The following UBN2 variants were observed in gnomAD, a reference collection of about 807,000 sequenced individuals.
UBN2 encodes ubinuclein-2.
In UBN2, 35 loss-of-function variants were observed where a neutral mutation model predicts 120.2. The observed-to-expected ratio is 0.29, with a 90% CI of 0.22 to 0.39. The LOEUF (loss-of-function observed/expected upper bound fraction) is 0.39. Ranked by LOEUF, UBN2 falls within the 10% of genes least tolerant of loss-of-function variation. The pLI is 1.00. For synonymous variants in UBN2, 661 were observed against 648.7 expected, an observed-to-expected ratio of 1.02 and a Z score of -0.29; for missense variants, 1,693 against 1,663.2, an observed-to-expected ratio of 1.02 and a Z score of -0.31.
chr7:139,317,984 ACTTTCCT>A, the UBN2 span, among the ~76,000 whole-genome samples: 2 of 151,804 alleles, frequency 1.3e-5, no homozygotes, highest in African/African-American at 4.8e-5. Flanking sequence ...GTTTTTATCC[ACTTTCCT>A]GAGTTTGTCA....
At chr7:139,272,009 T>A (rs1177584281) in intron 8 of UBN2, among the ~76,000 whole-genome samples, 1 of 152,220 alleles carries the variant, frequency 6.6e-6, no homozygotes, top group Non-Finnish European at 1.5e-5. Context: ...ATACAATGAT[T>A]TTGTTTTCCG....
chr7:139,297,338 A>G (rs1463629015), intron 17 of UBN2, among the ~76,000 whole-genome samples: 2 of 152,078 alleles, frequency 1.3e-5, no homozygotes, highest in Non-Finnish European at 1.5e-5. Context: ...ACAAATAATC[A>G]GGAATTATGA....
chr7:139,236,702 T>C (rs975078997), intron 1 of UBN2, among the ~76,000 whole-genome samples: 1 of 152,156 alleles, frequency 6.6e-6, no homozygotes, highest in African/African-American at 2.4e-5. Flanking sequence ...ATGAGTCCAT[T>C]ATAACTGTAA....
At chr7:139,315,566 T>G in the UBN2 span, among the ~76,000 whole-genome samples, 1 of 152,206 alleles carries the variant, frequency 6.6e-6, no homozygotes, top group Admixed American at 6.5e-5. Context: ...CTGTTTCCAC[T>G]TTTTAGCAAT....
Position 139,261,689 on chromosome 7 carries a change from T to C in UBN2, c.1343T>C (p.Leu448Pro), listed in dbSNP as rs1255791534. 1 of 1,614,142 alleles carries C rather than the reference T, an allele frequency of 6.2e-7. No homozygotes were observed. Among genetic ancestry groups the C allele is most frequent in the Non-Finnish European group, 8.5e-7 (1 of 1,180,014 alleles). Residue 448 changes from leucine to proline, a missense_variant, in exon 6 of 18, where the codon CTC becomes CCC. This residue lies in a region of UBN2 where 663 missense variants were observed against 591.2 expected (regional missense o/e 1.12). Transcript: ENST00000473989. ...SQVMPKVVPT[L>P]PEGLPVLLEK... ...GTTATGCCCAAAGTGGTACCTACAC[T>C]CCCAGAGGGTCTACCTGTACTTCTT...
At chr7:139,240,316 A>G (rs945777341) in intron 2 of UBN2, among the ~76,000 whole-genome samples, 2 of 151,042 alleles carry the variant, frequency 1.3e-5, no homozygotes, top group African/African-American at 4.9e-5. Flanking sequence ...TGGTAGAGAC[A>G]GGGTCTTGTT....
At chr7:139,266,240 AAAAAAG>A in intron 6 of UBN2, 87 bp from the exon 7 acceptor site, 5 of 830,546 alleles carry the variant, frequency 6.0e-6, no homozygotes, top group African/African-American at 5.3e-5. Flanking sequence ...AAAAAAAAAA[AAAAAAG>A]AAAAAAACCT....
chr7:139,305,913 T>A lies in UBN2; in HGVS notation c.*8077T>A, dbSNP rs949256359. ...TAGTCTGCCTTGCTTATTTTCATAC[T>A]CCCCCTGAAATAAGCCTACTTTTGC... is the stretch of plus-strand genomic sequence containing the variant. On this transcript the variant is annotated 3_prime_UTR_variant, in exon 18 of 18. Coordinates refer to ENST00000473989, the MANE Select transcript of UBN2 (RefSeq NM_173569.4). The A allele has an allele frequency of 1.3e-5, 2 of 152,264 alleles. No homozygotes were observed. The highest frequency in any genetic ancestry group is 1.3e-4 in the Admixed American group (2 of 15,284). 9.4% of individuals were successfully genotyped at this position (152,264 alleles called of 1,614,324 possible).
In UBN2 at chr7:139,237,098, G is replaced by T; in HGVS notation, c.561+1G>T. On this transcript the variant is annotated splice_donor_variant, in intron 2 of 17. Coordinates refer to ENST00000473989, the MANE Select transcript of UBN2 (RefSeq NM_173569.4). LOFTEE classifies it high-confidence loss of function. ...GGCTAAGAAGTTTGAAATGAAATAT[G>T]TGAGTATAATAAACTGATCACTTAG... 1 of 1,601,680 alleles carries T rather than the reference G, an allele frequency of 6.2e-7. No individual in the cohort carries two copies.
chr7:139,298,631 C>T lies in UBN2; in HGVS notation c.*795C>T, dbSNP rs1338086342. ...TCTTTTCTTCAGGTGATTTGTGCAT[C>T]TAGTATTGACTGGTTAATTCTTATT... On this transcript the variant is annotated 3_prime_UTR_variant, in exon 18 of 18. Coordinates refer to ENST00000473989, the MANE Select transcript of UBN2 (RefSeq NM_173569.4). The T allele has an allele frequency of 2.0e-5, 3 of 151,774 alleles. No homozygotes were observed. Among genetic ancestry groups the T allele is most frequent in the African/African-American group, 7.3e-5 (3 of 41,300 alleles). 9.4% of individuals were successfully genotyped at this position (151,774 alleles called of 1,614,324 possible).
chr7:139,261,661 C>G lies in UBN2; in HGVS notation c.1315C>G (p.Gln439Glu). Residue 439 changes from glutamine to glutamate, a missense_variant, in exon 6 of 18, where the codon CAG (glutamine) becomes GAG (glutamate). Physicochemically the swap from Gln to Glu is conservative, Grantham distance 29. Transcript: ENST00000473989. Reference sequence around the variant, plus strand: ...CACCACCCAGCCAACCTACACTTCTCAGGTTATGCCCAAAGTGGTACCTAC... The same window carrying G: ...CACCACCCAGCCAACCTACACTTCTGAGGTTATGCCCAAAGTGGTACCTAC... ...GTTTQPTYTS[Q>E]VMPKVVPTLP... 4 of 1,614,216 alleles carry G rather than the reference C, an allele frequency of 2.5e-6. No individual in the cohort carries two copies. The highest frequency in any genetic ancestry group is 3.4e-6 in the Non-Finnish European group (4 of 1,180,042).
chr7:139,287,746 T>C lies in UBN2; in HGVS notation c.3669+3172T>C, dbSNP rs74601563. 7.5e-3 allele frequency among the ~76,000 whole-genome samples: 1,140 copies of C among 151,018 alleles called. 19 individuals are homozygous for C. Among genetic ancestry groups the C allele is most frequent in the African/African-American group, 0.026 (1,096 of 41,430 alleles). Reference sequence around the variant, plus strand: ...ATTGAATAAGGTCATTTCTACCCTTTGGCGAAAGTAAGGTTCTTTTTGTTT... The same window carrying C: ...ATTGAATAAGGTCATTTCTACCCTTCGGCGAAAGTAAGGTTCTTTTTGTTT... On this transcript the variant is annotated intron_variant, in intron 15 of 17. Transcript: ENST00000473989.
intron 1 of UBN2, among the ~76,000 whole-genome samples, chr7:139,234,470 A>G (rs1162069955): frequency 1.3e-5 from 2 of 152,066 alleles, no homozygotes; most frequent in Non-Finnish European, 2.9e-5. Flanking sequence ...TAAATAATTT[A>G]TGTTGGGAAA....
intron 15 of UBN2, among the ~76,000 whole-genome samples, chr7:139,291,039 A>T (rs576871492): frequency 6.6e-6 from 1 of 152,230 alleles, no homozygotes; most frequent in East Asian, 1.9e-4. Flanking sequence ...TATTTTTAAA[A>T]TAGTCAACAA....
chr7:139,245,605 C>G (rs1380872299), intron 2 of UBN2, among the ~76,000 whole-genome samples: 4 of 152,082 alleles, frequency 2.6e-5, no homozygotes, highest in Non-Finnish European at 5.9e-5. Context: ...CTGATTGTGC[C>G]CATTACAACA....
At chr7:139,244,339 G>A (rs1182835669) in intron 2 of UBN2, among the ~76,000 whole-genome samples, 2 of 152,136 alleles carry the variant, frequency 1.3e-5, no homozygotes, top group Non-Finnish European at 2.9e-5. Flanking sequence ...AAATCCATGT[G>A]CAATTACGTT....
At chr7:139,243,024 T>A (rs991415186) in intron 2 of UBN2, among the ~76,000 whole-genome samples, 2 of 152,258 alleles carry the variant, frequency 1.3e-5, no homozygotes, top group African/African-American at 4.8e-5. Context: ...TACTAGAGGT[T>A]ATCAATGAAT....
chr7:139,319,534 T>C, the UBN2 span, among the ~76,000 whole-genome samples: 1 of 152,140 alleles, frequency 6.6e-6, no homozygotes, highest in Admixed American at 6.6e-5. Context: ...TGCAAGAGGA[T>C]TGCTTGAGCC....
Position 139,298,186 on chromosome 7 carries a change from A to G in UBN2, c.*350A>G, listed in dbSNP as rs1798163105. 4.1e-6 allele frequency: 1 copy of G among 244,810 alleles called. No homozygotes were observed. The highest frequency in any genetic ancestry group is 7.9e-6 in the Non-Finnish European group (1 of 126,462). 15.2% of individuals were successfully genotyped at this position (244,810 alleles called of 1,614,324 possible). ...AGTGAAGAGAATTTGGGTAAACTCCATCCATCCTGGGGGTTGGATCTGAAC... is the reference window on the plus strand; with the variant it reads ...AGTGAAGAGAATTTGGGTAAACTCCGTCCATCCTGGGGGTTGGATCTGAAC... On this transcript the variant is annotated 3_prime_UTR_variant, in exon 18 of 18. Transcript: ENST00000473989.
Sources: allele counts gnomAD v4.1 joint callset (sites outside exome capture counted in the v4.1 genomes callset), GRCh38; gene constraint gnomAD v4.1.1; regional missense constraint gnomAD v4.1.1; transcripts MANE v1.5; gene names NCBI Gene and HGNC (gene_info 2026-07-23, HGNC 2026-07-21).